The following MINDY2 variants were observed in gnomAD, a reference collection of about 807,000 sequenced individuals.
MINDY2 encodes the protein ubiquitin carboxyl-terminal hydrolase MINDY-2.
A neutral mutation model predicts 68.2 loss-of-function variants in MINDY2; 52 were observed. The ratio of observed to expected loss-of-function variants is 0.76; its 90% CI spans 0.61 to 0.96. The LOEUF is 0.96. Ranked by LOEUF, MINDY2 falls within the 40% of genes least tolerant of loss-of-function variation. The probability of loss-of-function intolerance (pLI) is 0.00; values close to 1 mark genes in which losing one functional copy is unlikely to be tolerated. For missense variants in MINDY2, 881 were observed against 773.4 expected, an observed-to-expected ratio of 1.14 and a Z score of -1.65; for synonymous variants, 372 against 303.0, an observed-to-expected ratio of 1.23 and a Z score of -2.36.
At position 58,810,294 on chromosome 15, in the gene MINDY2, T is replaced by C. The variant is rs1435720002; in HGVS notation, c.1028T>C (p.Phe343Ser). 3 of 1,613,842 alleles carry C rather than the reference T, an allele frequency of 1.9e-6. No homozygotes were observed. Among genetic ancestry groups the C allele is most frequent in the Non-Finnish European group, 2.5e-6 (3 of 1,179,960 alleles). The change falls in exon 4 of 9, where the codon TTC (phenylalanine) becomes TCC (serine). Residue 343 changes from phenylalanine (F) to serine (S), a missense_variant. Physicochemically the swap from Phe to Ser is radical, Grantham distance 155. Transcript: ENST00000559228. ...ACAGGCCTGGATGTAAATGTAAGAT[T>C]CACTGGTGTTCGAGTGTTTGAATAT... ...LQTGLDVNVRFTGVRVFEYTP... is the reference protein window; with the variant it reads ...LQTGLDVNVRSTGVRVFEYTP...
At chr15:58,829,666 C>T (rs533686869) in intron 5 of MINDY2, among the ~76,000 whole-genome samples, 4 of 152,140 alleles carry the variant, frequency 2.6e-5, no homozygotes, top group Admixed American at 1.3e-4. Flanking sequence ...TTTAGTAATA[C>T]AGATATTACA....
Position 58,854,587 on chromosome 15 carries a change from A to C in MINDY2, c.1843A>C (p.Lys615Gln). ...AAAAGATAAAGAAAAAGAAAAGGAAAAAAATAGCTGTGTTATTTTGTAACA... is the reference window on the plus strand; with the variant it reads ...AAAAGATAAAGAAAAAGAAAAGGAACAAAATAGCTGTGTTATTTTGTAACA... ...REKDKEKEKE[K>Q]NSCVIL The change falls in exon 9 of 9, where the codon AAA becomes CAA. Residue 615 changes from lysine to glutamine, a missense_variant. By Grantham distance (53) the Lys-to-Gln change is moderately conservative. Transcript: ENST00000559228. The C allele has an allele frequency of 6.2e-7, 1 of 1,611,634 alleles. No individual in the cohort carries two copies. The highest frequency in any genetic ancestry group is 8.5e-7 in the Non-Finnish European group (1 of 1,179,860).
intron 3 of MINDY2, among the ~76,000 whole-genome samples, chr15:58,808,690 T>C (rs1273994492): frequency 5.9e-5 from 9 of 152,288 alleles, no homozygotes; most frequent in Middle Eastern, 3.4e-3. Context: ...CTGCAAGCTC[T>C]GCCTGCTGGG....
intron 3 of MINDY2, among the ~76,000 whole-genome samples, chr15:58,803,056 C>T (rs1902770072): frequency 6.6e-6 from 1 of 152,166 alleles, no homozygotes; most frequent in African/African-American, 2.4e-5. Context: ...TTCAAAGCAA[C>T]CTTTTTTAAC....
At chr15:58,783,739 G>A (rs1306086151) in intron 1 of MINDY2, among the ~76,000 whole-genome samples, 4 of 152,058 alleles carry the variant, frequency 2.6e-5, no homozygotes, top group Non-Finnish European at 5.9e-5. Context: ...GCTCCTGCTT[G>A]AGTCCAGGAG....
intron 1 of MINDY2, among the ~76,000 whole-genome samples, chr15:58,782,907 C>G (rs1197059629): frequency 3.1e-5 from 3 of 97,008 alleles, no homozygotes; most frequent in Non-Finnish European, 6.4e-5. Flanking sequence ...AATTTTTTCT[C>G]TCTGTTTTTT....
At chr15:58,827,823 G>A (rs182305283) in intron 5 of MINDY2, among the ~76,000 whole-genome samples, 1 of 152,266 alleles carries the variant, frequency 6.6e-6, no homozygotes, top group Admixed American at 6.5e-5. Context: ...GATATGGCCA[G>A]TGGGATGCCC....
intron 6 of MINDY2, among the ~76,000 whole-genome samples, chr15:58,835,715 T>A (rs1283826329): frequency 3.9e-5 from 6 of 152,148 alleles, no homozygotes; most frequent in Admixed American, 1.3e-4. Context: ...TCTTCTAGTT[T>A]AATCAGTTGG....
chr15:58,826,189 T>C (rs369491162), intron 5 of MINDY2, among the ~76,000 whole-genome samples: 8 of 151,792 alleles, frequency 5.3e-5, no homozygotes, highest in Non-Finnish European at 1.2e-4. Context: ...ATTGTTGATA[T>C]GTTGAATGTT....
In MINDY2 at chr15:58,772,010, G is replaced by C. The variant is rs1207281643; in HGVS notation, c.615G>C (p.Glu205Asp). The change falls in exon 1 of 9, where the codon GAG becomes GAC. Residue 205 changes from glutamate (E) to aspartate (D), a missense_variant. Glu to Asp is a conservative substitution (Grantham distance 45). Coordinates refer to ENST00000559228, the MANE Select transcript of MINDY2 (RefSeq NM_001040450.3). ...EGAENRVPEE[E>D]EGAAVLPGAV... ...CGGAGAACAGGGTCCCTGAGGAGGA[G>C]GAGGGCGCGGCGGTGTTGCCCGGGG... 1 of 1,595,556 alleles carries C rather than the reference G, an allele frequency of 6.3e-7. No individual in the cohort carries two copies. Among genetic ancestry groups the C allele is most frequent in the Non-Finnish European group, 8.5e-7 (1 of 1,171,264 alleles).
intron 5 of MINDY2, among the ~76,000 whole-genome samples, chr15:58,829,282 A>G (rs2031589427): frequency 6.6e-6 from 1 of 152,172 alleles, no homozygotes; most frequent in African/African-American, 2.4e-5. Flanking sequence ...TGTTTTTTCT[A>G]GTTCTTAATA....
At chr15:58,844,665 C>G (rs1838624090) in intron 6 of MINDY2, among the ~76,000 whole-genome samples, 1 of 151,584 alleles carries the variant, frequency 6.6e-6, no homozygotes, top group Non-Finnish European at 1.5e-5. Context: ...TACCTGTAAT[C>G]CCAGCACTTT....
chr15:58,819,803 G>T (rs1445921819), intron 4 of MINDY2, among the ~76,000 whole-genome samples: 1 of 152,166 alleles, frequency 6.6e-6, no homozygotes, highest in Non-Finnish European at 1.5e-5. Context: ...TGTTTCTTAA[G>T]GGTCTAACTT....
chr15:58,796,041 C>T, intron 2 of MINDY2: 1 of 452,948 alleles, frequency 2.2e-6, no homozygotes, highest in Non-Finnish European at 4.4e-6. Flanking sequence ...TTCATCAAAC[C>T]GTGTCACTGC....
At chr15:58,835,746 CA>C (rs2031963629) in intron 6 of MINDY2, among the ~76,000 whole-genome samples, 1 of 152,056 alleles carries the variant, frequency 6.6e-6, no homozygotes, top group South Asian at 2.1e-4. Flanking sequence ...GTTAACTTAG[CA>C]GATAGAACAT....
intron 6 of MINDY2, among the ~76,000 whole-genome samples, chr15:58,836,644 G>C (rs775927116): frequency 6.6e-6 from 1 of 151,834 alleles, no homozygotes; most frequent in Non-Finnish European, 1.5e-5. Context: ...CCTGAAACAG[G>C]GTCTTGCTCT....
At chr15:58,828,172 C>T (rs2031516034) in intron 5 of MINDY2, among the ~76,000 whole-genome samples, 1 of 151,644 alleles carries the variant, frequency 6.6e-6, no homozygotes, top group African/African-American at 2.4e-5. Flanking sequence ...AAAAAAAAAT[C>T]ATATGAGCTT....
At chr15:58,846,930 C>T (rs1315818275) in intron 6 of MINDY2, among the ~76,000 whole-genome samples, 1 of 151,900 alleles carries the variant, frequency 6.6e-6, no homozygotes, top group Non-Finnish European at 1.5e-5. Flanking sequence ...GAAAAAAAAA[C>T]AGGCAACATG....
chr15:58,816,777 A>G (rs1488510601), intron 4 of MINDY2, among the ~76,000 whole-genome samples: 2 of 152,162 alleles, frequency 1.3e-5, no homozygotes, highest in Non-Finnish European at 2.9e-5. Context: ...GCAAAATTCT[A>G]TTCCATGCGC....
Sources: allele counts gnomAD v4.1 joint callset (sites outside exome capture counted in the v4.1 genomes callset), GRCh38; gene constraint gnomAD v4.1.1; transcripts MANE v1.5; gene names NCBI Gene and HGNC (gene_info 2026-07-23, HGNC 2026-07-21).